Variants in PTPRG observed in about 807,000 individuals in gnomAD.
PTPRG encodes the protein protein tyrosine phosphatase receptor type G.
Under a neutral mutation model 165.3 loss-of-function variants are expected in PTPRG, and 102 were observed. The ratio of observed to expected loss-of-function variants is 0.62; its 90% CI spans 0.53 to 0.73. The LOEUF (loss-of-function observed/expected upper bound fraction) is 0.73, where lower values mean the gene tolerates loss of function less well. PTPRG is among the 30% of genes least tolerant of loss of function. The probability of loss-of-function intolerance (pLI) is 0.00; values close to 1 mark genes in which losing one functional copy is unlikely to be tolerated. For missense variants in PTPRG, 1,866 were observed against 1,861.4 expected (o/e 1.00, Z -0.05); for synonymous variants, 675 against 669.5 (o/e 1.01, Z -0.13).
rs935943312 is a variant in PTPRG, at chr3:62,224,804, A to C, written c.2288+5821A>C. ...TCTGTGGGGAGACATTTATTCTAAA[A>C]TGTTTTTAGCTGAGCTGTTTCAGGT... On this transcript the variant is annotated intron_variant, in intron 13 of 29. Transcript: ENST00000474889. The surrounding 1 kb of genome is among the most constrained non-coding windows in gnomAD (Gnocchi z 4.9). 6.6e-6 allele frequency among the ~76,000 whole-genome samples: 1 copy of C among 152,170 alleles called. No individual in the cohort carries two copies. Among genetic ancestry groups the C allele is most frequent in the Non-Finnish European group, 1.5e-5 (1 of 68,020 alleles).
At chr3:61,616,741 G>C (rs1701308708) in intron 1 of PTPRG, among the ~76,000 whole-genome samples, 1 of 152,156 alleles carries the variant, frequency 6.6e-6, no homozygotes, top group Non-Finnish European at 1.5e-5. Context: ...GTGTTGGCTA[G>C]ATTTCATTCT....
intron 1 of PTPRG, among the ~76,000 whole-genome samples, chr3:61,660,672 C>T (rs111969401): frequency 2.9e-3 from 446 of 152,162 alleles, no homozygotes; most frequent in African/African-American, 0.01. Flanking sequence ...TATAACACGG[C>T]GTCTACGGGT....
At chr3:61,918,959 TGAG>T (rs1345220142) in intron 2 of PTPRG, among the ~76,000 whole-genome samples, 5 of 152,182 alleles carry the variant, frequency 3.3e-5, no homozygotes, top group Non-Finnish European at 7.3e-5. Context: ...AAAGGCTTCT[TGAG>T]GAGAATTCGG....
chr3:61,723,828 A>G (rs926176049), intron 1 of PTPRG, among the ~76,000 whole-genome samples: 2 of 152,192 alleles, frequency 1.3e-5, no homozygotes, highest in Admixed American at 1.3e-4. Context: ...TTCCCATGTC[A>G]CAAAGATTTC....
intron 28 of PTPRG, among the ~76,000 whole-genome samples, chr3:62,283,924 CATTA>C (rs1476602576): frequency 6.6e-6 from 1 of 151,932 alleles, no homozygotes; most frequent in Non-Finnish European, 1.5e-5. Flanking sequence ...ACAGTTGAAA[CATTA>C]ATTAAATAGC....
intron 2 of PTPRG, among the ~76,000 whole-genome samples, chr3:61,767,456 T>G (rs376599281): frequency 5.3e-5 from 8 of 152,154 alleles, no homozygotes; most frequent in African/African-American, 1.9e-4. Flanking sequence ...TGTCCACTGG[T>G]AACCTCAGCT....
chr3:62,280,643 C>G (rs1167617716), intron 26 of PTPRG, among the ~76,000 whole-genome samples: 1 of 152,014 alleles, frequency 6.6e-6, no homozygotes, highest in African/African-American at 2.4e-5. Flanking sequence ...TGATGGAAAA[C>G]TGTCTGGAGG....
intron 2 of PTPRG, among the ~76,000 whole-genome samples, chr3:61,944,103 A>AT (rs1575810247): frequency 6.6e-6 from 1 of 152,056 alleles, no homozygotes; most frequent in East Asian, 1.9e-4. Flanking sequence ...TTTTGAGCTC[A>AT]TTTTTTGTTG....
In PTPRG at chr3:61,815,473, C is replaced by G. The variant is rs576811447; in HGVS notation, c.190+66491C>G. ...TTTACTGTCTTGATTGGCTTTAACC[C>G]TGTTTCCAATGCAGTCTTAGAGATG... is the stretch of plus-strand genomic sequence containing the variant. On this transcript the variant is annotated intron_variant, in intron 2 of 29. Coordinates refer to ENST00000474889, the MANE Select transcript of PTPRG (RefSeq NM_002841.4). 2.0e-5 allele frequency among the ~76,000 whole-genome samples: 3 copies of G among 152,180 alleles called. No individual in the cohort carries two copies. In the East Asian group the frequency reaches 5.8e-4, roughly 29 times the overall value.
At chr3:61,715,215 T>G (rs2031753011) in intron 1 of PTPRG, among the ~76,000 whole-genome samples, 1 of 151,830 alleles carries the variant, frequency 6.6e-6, no homozygotes, top group Non-Finnish European at 1.5e-5. Flanking sequence ...GGAGCTTATT[T>G]TTTTGTTTGT....
intron 1 of PTPRG, among the ~76,000 whole-genome samples, chr3:61,563,598 T>G (rs9827952): frequency 0.69 from 104,687 of 152,138 alleles, 36,637 homozygotes; most frequent in East Asian, 0.87. Context: ...GAATTCCCCG[T>G]TTTTCTGCCC....
chr3:61,888,219 G>GTC (rs1335292211), intron 2 of PTPRG, among the ~76,000 whole-genome samples: 2 of 151,792 alleles, frequency 1.3e-5, no homozygotes, highest in African/African-American at 2.4e-5. Context: ...GTGTGTGTGT[G>GTC]TGTCTGTCTG....
chr3:61,690,556 C>G (rs1575591706), intron 1 of PTPRG, among the ~76,000 whole-genome samples: 1 of 152,172 alleles, frequency 6.6e-6, no homozygotes, highest in African/African-American at 2.4e-5. Context: ...ACTGTTTAAG[C>G]TTAAGTCACT....
chr3:61,754,261 A>G (rs187607847), intron 2 of PTPRG, among the ~76,000 whole-genome samples: 2 of 152,328 alleles, frequency 1.3e-5, no homozygotes, highest in Non-Finnish European at 2.9e-5. Context: ...GATTTGAGGA[A>G]TTGCTCAGCT....
rs182574799 is a variant in PTPRG at position 62,118,113 on chromosome 3, A to G, written c.616-14489A>G. On this transcript the variant is annotated intron_variant, in intron 5 of 29. Coordinates refer to ENST00000474889, the MANE Select transcript of PTPRG (RefSeq NM_002841.4). ...ATTAATATCTCCGTTTTCCAGACTG[A>G]AGAATCTGAGGCTTAGGACAGTTAA... is the stretch of plus-strand genomic sequence containing the variant. Among the ~76,000 whole-genome samples, 258 of 152,338 alleles carry G rather than the reference A, an allele frequency of 1.7e-3. 1 individual carries two copies. The highest frequency in any genetic ancestry group is 6.0e-3 in the African/African-American group (248 of 41,572).
intron 2 of PTPRG, among the ~76,000 whole-genome samples, chr3:61,774,078 C>G (rs924253416): frequency 5.3e-5 from 8 of 152,194 alleles, no homozygotes; most frequent in African/African-American, 1.9e-4. Flanking sequence ...CCAGCCCAGA[C>G]TTTTTCATTC....
At chr3:62,076,456 A>C (rs1421501361) in intron 4 of PTPRG, among the ~76,000 whole-genome samples, 1 of 152,146 alleles carries the variant, frequency 6.6e-6, no homozygotes, top group Non-Finnish European at 1.5e-5. Context: ...TGGTGCTTGC[A>C]AGTAAGGAAG....
chr3:62,042,053 A>G (rs1575927464), intron 4 of PTPRG, among the ~76,000 whole-genome samples: 1 of 152,168 alleles, frequency 6.6e-6, no homozygotes, highest in Admixed American at 6.5e-5. Flanking sequence ...TGAGGTCAGA[A>G]CCCAGACCTG....
At chr3:61,925,106 T>C (rs1312127884) in intron 2 of PTPRG, among the ~76,000 whole-genome samples, 3 of 152,238 alleles carry the variant, frequency 2.0e-5, no homozygotes, top group Non-Finnish European at 2.9e-5. Context: ...TAGTTTGTGG[T>C]ATTTTGTCAT....
Sources: allele counts gnomAD v4.1 joint callset (sites outside exome capture counted in the v4.1 genomes callset), GRCh38; gene constraint gnomAD v4.1.1; non-coding constraint Gnocchi (gnomAD v3.1); transcripts MANE v1.5; gene names NCBI Gene and HGNC (gene_info 2026-07-23, HGNC 2026-07-21).